Variants in SYNDIG1 observed in about 807,000 individuals in gnomAD.
The protein encoded by SYNDIG1 is synapse differentiation-inducing gene protein 1.
SYNDIG1 carries 9 observed loss-of-function variants against 19.4 expected under a neutral mutation model. The ratio of observed to expected loss-of-function variants is 0.46; its 90% confidence interval spans 0.28 to 0.81. The LOEUF is 0.81. Among genes scored for constraint, SYNDIG1 ranks in the 30% least tolerant of loss-of-function variants. The probability of loss-of-function intolerance (pLI) is 0.12; values close to 1 mark genes in which losing one functional copy is unlikely to be tolerated. For synonymous variants in SYNDIG1, 141 were observed against 145.9 expected (o/e 0.97, Z 0.24); for missense variants, 311 against 343.3 (o/e 0.91, Z 0.74).
intron 3 of SYNDIG1, among the ~76,000 whole-genome samples, chr20:24,591,217 A>C (rs1330167702): frequency 6.6e-6 from 1 of 151,680 alleles, no homozygotes; most frequent in Non-Finnish European, 1.5e-5. Context: ...AACAGACCCC[A>C]TGTATACAAA....
At chr20:24,550,084 G>C (rs1279917993) in intron 2 of SYNDIG1, among the ~76,000 whole-genome samples, 1 of 152,194 alleles carries the variant, frequency 6.6e-6, no homozygotes, top group Non-Finnish European at 1.5e-5. Flanking sequence ...TACAAAAACA[G>C]GAATGCCTTT....
chr20:24,547,654 C>T (rs2057607252), intron 2 of SYNDIG1, among the ~76,000 whole-genome samples: 1 of 152,164 alleles, frequency 6.6e-6, no homozygotes, highest in South Asian at 2.1e-4. Context: ...TCCGACAGCC[C>T]AGGCCTCTTC....
At chr20:24,485,780 T>C (rs996070182) in intron 1 of SYNDIG1, among the ~76,000 whole-genome samples, 2 of 152,224 alleles carry the variant, frequency 1.3e-5, no homozygotes, top group Non-Finnish European at 2.9e-5. Flanking sequence ...AAGCAGGAGC[T>C]ACTGACTCAG....
At chr20:24,574,070 G>A (rs1266624746) in intron 2 of SYNDIG1, among the ~76,000 whole-genome samples, 1 of 152,178 alleles carries the variant, frequency 6.6e-6, no homozygotes, top group African/African-American at 2.4e-5. Context: ...AACAGGAGCA[G>A]CCTCCAGGCT....
At chr20:24,632,002 A>T (rs1568702619) in intron 3 of SYNDIG1, among the ~76,000 whole-genome samples, 1 of 152,204 alleles carries the variant, frequency 6.6e-6, no homozygotes, top group Non-Finnish European at 1.5e-5. Context: ...TGAGCAAAGC[A>T]TCACTGCTGT....
intron 1 of SYNDIG1, among the ~76,000 whole-genome samples, chr20:24,526,690 T>C (rs887392999): frequency 6.6e-6 from 1 of 152,188 alleles, no homozygotes. Context: ...TCACCCAGCA[T>C]TATTTTTCTT....
chr20:24,595,501 C>A (rs925710549), intron 3 of SYNDIG1, among the ~76,000 whole-genome samples: 1 of 152,186 alleles, frequency 6.6e-6, no homozygotes, highest in African/African-American at 2.4e-5. Flanking sequence ...CAGGATGATA[C>A]TGACCTCATA....
At chr20:24,493,560 T>A (rs564228756) in intron 1 of SYNDIG1, among the ~76,000 whole-genome samples, 1 of 152,382 alleles carries the variant, frequency 6.6e-6, no homozygotes, top group African/African-American at 2.4e-5. Flanking sequence ...TTTAACTACA[T>A]CTTCCCCAAT....
intron 1 of SYNDIG1, among the ~76,000 whole-genome samples, chr20:24,524,680 A>AT (rs1001379847): frequency 1.3e-5 from 2 of 151,780 alleles, no homozygotes; most frequent in Non-Finnish European, 2.9e-5. Context: ...GTTAAGGATG[A>AT]TTTTTTCCAT....
Position 24,658,476 on chromosome 20 carries a change from T to C in SYNDIG1, c.619-6870T>C, listed in dbSNP as rs2059551024. Among the ~76,000 whole-genome samples the C allele has an allele frequency of 6.6e-6, 1 of 152,036 alleles. No individual in the cohort carries two copies. Among genetic ancestry groups the C allele is most frequent in the South Asian group, 2.1e-4 (1 of 4,822 alleles). ...GTGGACAGGCGCTCTGGCCGTACCC[T>C]GGGGGGTGAAAGCCCTTCCCCAGTG... On this transcript the variant is annotated intron_variant, in intron 3 of 3. Coordinates refer to ENST00000376862, the MANE Select transcript of SYNDIG1 (RefSeq NM_024893.3). This position sits in a 1 kb window ranked among gnomAD's most constrained non-coding sequence, Gnocchi z 4.4.
At chr20:24,597,290 T>C (rs1375346563) in intron 3 of SYNDIG1, 1 of 152,220 alleles carries the variant, frequency 6.6e-6, no homozygotes, top group African/African-American at 2.4e-5. Context: ...CTTTGTGTCA[T>C]GGAAATGGCT....
At chr20:24,598,014 G>A (rs2058622722) in intron 3 of SYNDIG1, among the ~76,000 whole-genome samples, 1 of 152,206 alleles carries the variant, frequency 6.6e-6, no homozygotes, top group Non-Finnish European at 1.5e-5. Context: ...TGCAACCTGT[G>A]TTAGCCAAAT....
At chr20:24,500,651 T>C (rs1176540053) in intron 1 of SYNDIG1, among the ~76,000 whole-genome samples, 1 of 152,136 alleles carries the variant, frequency 6.6e-6, no homozygotes, top group African/African-American at 2.4e-5. Flanking sequence ...AGCGCACTGC[T>C]GTGTGCAGAC....
intron 3 of SYNDIG1, among the ~76,000 whole-genome samples, chr20:24,633,138 T>C (rs1432337481): frequency 6.6e-6 from 1 of 152,212 alleles, no homozygotes; most frequent in Non-Finnish European, 1.5e-5. Context: ...GCAAGCTTAC[T>C]GCCATGCTAA....
At chr20:24,574,139 T>C (rs1292921949) in intron 2 of SYNDIG1, among the ~76,000 whole-genome samples, 1 of 152,056 alleles carries the variant, frequency 6.6e-6, no homozygotes, top group Non-Finnish European at 1.5e-5. Context: ...CAATTGCACC[T>C]GAATCCTTTA....
Position 24,627,061 on chromosome 20 carries a change from C to T in SYNDIG1, c.619-38285C>T, listed in dbSNP as rs556144972. On this transcript the variant is annotated intron_variant, in intron 3 of 3. Transcript: ENST00000376862. ...GCTTCGGCTCGGCATGAGAGGGAGA[C>T]CGTGGAAAGAGAGGGAGAGGGAGAC... Among the ~76,000 whole-genome samples, 120 of 150,318 alleles carry T rather than the reference C, an allele frequency of 8.0e-4. 1 individual carries two copies. The highest frequency in any genetic ancestry group is 2.6e-3 in the African/African-American group (107 of 40,814).
intron 1 of SYNDIG1, among the ~76,000 whole-genome samples, chr20:24,517,382 G>A (rs1446580100): frequency 1.3e-5 from 2 of 150,568 alleles, no homozygotes; most frequent in Non-Finnish European, 3.0e-5. Flanking sequence ...TTGGGAGGCC[G>A]AGGCGGGCAG....
chr20:24,640,818 C>T (rs1321556239), intron 3 of SYNDIG1, among the ~76,000 whole-genome samples: 1 of 152,124 alleles, frequency 6.6e-6, no homozygotes, highest in Non-Finnish European at 1.5e-5. Flanking sequence ...ACTAGCAACC[C>T]GATAGCATTT....
At chr20:24,594,487 A>G (rs1272427037) in intron 3 of SYNDIG1, among the ~76,000 whole-genome samples, 1 of 152,140 alleles carries the variant, frequency 6.6e-6, no homozygotes, top group African/African-American at 2.4e-5. Flanking sequence ...CTTTCCACTT[A>G]GGATTGCCTT....
Sources: allele counts gnomAD v4.1 joint callset (sites outside exome capture counted in the v4.1 genomes callset), GRCh38; gene constraint gnomAD v4.1.1; non-coding constraint Gnocchi (gnomAD v3.1); transcripts MANE v1.5; gene names NCBI Gene and HGNC (gene_info 2026-07-23, HGNC 2026-07-21).